The following SPATA19 variants were observed in gnomAD, a reference collection of about 807,000 sequenced individuals.
The protein encoded by SPATA19 is spermatogenesis-associated protein 19, mitochondrial.
In SPATA19, 19 loss-of-function variants were observed where a neutral mutation model predicts 25.0. That is an observed-to-expected ratio of 0.76 (90% CI 0.53 to 1.11). The LOEUF is 1.11. SPATA19 is among the 50% of genes most tolerant of loss of function. The pLI is 0.00. For missense variants in SPATA19, 222 were observed against 211.4 expected, an observed-to-expected ratio of 1.05 and a Z score of -0.31; for synonymous variants, 64 against 69.3, an observed-to-expected ratio of 0.92 and a Z score of 0.38.
chr11:133,839,036 T>G (rs1436800753), downstream of SPATA19, among the ~76,000 whole-genome samples: 3 of 152,142 alleles, frequency 2.0e-5, no homozygotes, highest in African/African-American at 7.2e-5. Flanking sequence ...AAACAACAGG[T>G]GCTGGAGAGG....
chr11:133,837,402 G>A (rs1041534425), downstream of SPATA19, among the ~76,000 whole-genome samples: 3 of 152,210 alleles, frequency 2.0e-5, no homozygotes, highest in African/African-American at 4.8e-5. Context: ...TGTGGACAAT[G>A]TTGACTATTA....
intron 6 of SPATA19, 104 bp downstream of exon 6, chr11:133,841,926 G>A: frequency 8.8e-7 from 1 of 1,140,120 alleles, no homozygotes; most frequent in Non-Finnish European, 1.3e-6. Flanking sequence ...TCCCCAGTAG[G>A]GAAAAGCTAA....
rs1938372887 is a variant in SPATA19 at position 133,844,307 on chromosome 11, A to G, written c.298T>C (p.Leu100=). Residue 100 remains leucine, a synonymous_variant, in exon 4 of 7, where the codon TTG becomes CTG. Coordinates refer to ENST00000299140, the MANE Select transcript of SPATA19 (RefSeq NM_174927.3). ...VKHHLSKSDL[L]ANQSQEVLEE... ...AGGACCTCTTGGCTCTGGTTTGCCA[A>G]CAAATCAGACTTAGAGAGGTGGTGC... 2 of 1,614,156 alleles carry G rather than the reference A, an allele frequency of 1.2e-6. No homozygotes were observed. The highest frequency in any genetic ancestry group is 1.7e-6 in the Non-Finnish European group (2 of 1,180,020).
intron 4 of SPATA19, among the ~76,000 whole-genome samples, chr11:133,843,743 G>A (rs1280198731): frequency 6.6e-6 from 1 of 152,176 alleles, no homozygotes; most frequent in Non-Finnish European, 1.5e-5. Context: ...CCAGCTCCCT[G>A]GGCCTCGGGG....
downstream of SPATA19, among the ~76,000 whole-genome samples, chr11:133,838,012 C>T (rs1179921286): frequency 6.6e-6 from 1 of 152,178 alleles, no homozygotes; most frequent in East Asian, 1.9e-4. Context: ...GCCAGGTAAA[C>T]ATACAGCCTC....
chr11:133,839,578 T>C (rs1374941057), downstream of SPATA19, among the ~76,000 whole-genome samples: 1 of 151,880 alleles, frequency 6.6e-6, no homozygotes, highest in Admixed American at 6.6e-5. Context: ...ATACTTAATG[T>C]TAAATGACGA....
At chr11:133,842,249 A>C in intron 5 of SPATA19, 144 bp from the exon 6 acceptor site, 1 of 848,720 alleles carries the variant, frequency 1.2e-6, no homozygotes, top group Non-Finnish European at 2.0e-6. Context: ...CAGTCATATG[A>C]ACAGGCCCAC....
intron 4 of SPATA19, among the ~76,000 whole-genome samples, chr11:133,843,368 C>T (rs1313460600): frequency 6.6e-6 from 1 of 151,940 alleles, no homozygotes; most frequent in Non-Finnish European, 1.5e-5. Flanking sequence ...AGAAGGCTTC[C>T]CATCCAAAAA....
chr11:133,845,250 C>CA, intron 1 of SPATA19, 60 bp from the exon 2 acceptor site: 3 of 1,534,170 alleles, frequency 2.0e-6, no homozygotes, highest in East Asian at 2.3e-5. Context: ...TCTTCCCACC[C>CA]AGCCCCCGCA....
intron 4 of SPATA19, among the ~76,000 whole-genome samples, chr11:133,843,275 T>G (rs1938349684): frequency 6.6e-6 from 1 of 152,158 alleles, no homozygotes; most frequent in Non-Finnish European, 1.5e-5. Flanking sequence ...AGGAGCACAA[T>G]GTCCGCAATT....
At chr11:133,838,852 C>T (rs1167652459), downstream of SPATA19, among the ~76,000 whole-genome samples, 4 of 152,130 alleles carry the variant, frequency 2.6e-5, no homozygotes, top group Non-Finnish European at 5.9e-5. Context: ...CAAACAACCC[C>T]ATCAAAAAGT....
intron 4 of SPATA19, 99 bp from the exon 5 acceptor site, chr11:133,842,661 T>G: frequency 1.1e-6 from 1 of 938,784 alleles, no homozygotes; most frequent in Non-Finnish European, 1.7e-6. Context: ...ACAATGACTC[T>G]TGCCCTGACA....
chr11:133,836,782 T>C (rs553366116), downstream of SPATA19, among the ~76,000 whole-genome samples: 5 of 152,326 alleles, frequency 3.3e-5, no homozygotes, highest in African/African-American at 1.2e-4. Context: ...AAATGAAAGT[T>C]CTACCAGGGC....
intron 2 of SPATA19, 58 bp from the exon 3 acceptor site, chr11:133,844,698 TTC>T (rs1480203093): frequency 1.3e-6 from 2 of 1,530,242 alleles, no homozygotes; most frequent in Non-Finnish European, 1.8e-6. Context: ...CTGGGTCTTC[TTC>T]TCCTCTTCCT....
chr11:133,844,587 A>G lies in SPATA19; in HGVS notation c.189T>C (p.Pro63=). Residue 63 remains proline, a synonymous_variant, in exon 3 of 7, where the codon CCT becomes CCC. Coordinates refer to ENST00000299140, the MANE Select transcript of SPATA19 (RefSeq NM_174927.3). ...ACATCTTCTCCCTTACACCCTGGGA[A>G]GGGTGGTTGATGGACAGCTTTTCCT... ...GIKEKLSINH[P]SQGVREKMST... 6.2e-7 allele frequency: 1 copy of G among 1,613,890 alleles called. No individual in the cohort carries two copies. The highest frequency in any genetic ancestry group is 1.1e-5 in the South Asian group (1 of 91,008).
downstream of SPATA19, among the ~76,000 whole-genome samples, chr11:133,839,572 T>C (rs1182040549): frequency 1.3e-5 from 2 of 151,972 alleles, no homozygotes; most frequent in Admixed American, 6.6e-5. Context: ...GGAGATATAC[T>C]TAATGTTAAA....
intron 2 of SPATA19, 37 bp downstream of exon 2, chr11:133,845,097 T>G: frequency 1.3e-6 from 2 of 1,581,392 alleles, no homozygotes; most frequent in Non-Finnish European, 8.7e-7. Context: ...TTCTCTAGCA[T>G]TTTGGATATC....
At chr11:133,844,923 C>T (rs545394335) in intron 2 of SPATA19, among the ~76,000 whole-genome samples, 2 of 152,226 alleles carry the variant, frequency 1.3e-5, no homozygotes, top group South Asian at 4.2e-4. Flanking sequence ...AGCAGGACGG[C>T]GTTAGTGGTG....
At chr11:133,839,079 A>G (rs1344856572), downstream of SPATA19, among the ~76,000 whole-genome samples, 4 of 152,162 alleles carry the variant, frequency 2.6e-5, no homozygotes, top group Non-Finnish European at 1.5e-5. Flanking sequence ...TTACACTGTT[A>G]GTGGGACTGT....
Sources: gnomAD v4.1 joint callset for allele counts (sites outside exome capture counted in the v4.1 genomes callset) on GRCh38, gnomAD v4.1.1 for gene constraint, MANE v1.5 for transcripts, NCBI Gene and HGNC (gene_info 2026-07-23, HGNC 2026-07-21) for gene names.